Variants in SWAP70 observed in about 807,000 individuals in gnomAD.
SWAP70 encodes the protein switch-associated protein 70.
A neutral mutation model predicts 80.2 loss-of-function variants in SWAP70; 34 were observed. The ratio of observed to expected loss-of-function variants is 0.42; its 90% CI spans 0.32 to 0.56. SWAP70 has a LOEUF of 0.56. SWAP70 is among the 20% of genes least tolerant of loss of function. SWAP70 has a pLI of 0.09. For missense variants in SWAP70, 578 were observed against 690.7 expected, an observed-to-expected ratio of 0.84 and a Z score of 1.83; for synonymous variants, 239 against 238.5, an observed-to-expected ratio of 1.00 and a Z score of -0.02.
At chr11:9,696,541 C>T (rs1014600755) in intron 2 of SWAP70, among the ~76,000 whole-genome samples, 20 of 152,078 alleles carry the variant, frequency 1.3e-4, no homozygotes, top group African/African-American at 4.8e-4. Context: ...CACACACCCT[C>T]AAATCAATAT....
Position 9,688,590 on chromosome 11 carries a change from C to G in SWAP70, c.100-5556C>G, listed in dbSNP as rs141825448. Among the ~76,000 whole-genome samples, 443 of 152,194 alleles carry G rather than the reference C, an allele frequency of 2.9e-3. 2 individuals are homozygous for G. Among genetic ancestry groups the G allele is most frequent in the African/African-American group, 0.01 (417 of 41,520 alleles). Reference sequence around the variant, plus strand: ...TGGCCTGTGGAGTGACTTAAATATACAACTCACATATTTCCTTAGCTTTTA... The same window carrying G: ...TGGCCTGTGGAGTGACTTAAATATAGAACTCACATATTTCCTTAGCTTTTA... On this transcript the variant is annotated intron_variant, in intron 1 of 11. Transcript: ENST00000318950.
intron 1 of SWAP70, among the ~76,000 whole-genome samples, chr11:9,674,089 C>T (rs1331235815): frequency 6.6e-6 from 1 of 151,972 alleles, no homozygotes; most frequent in Non-Finnish European, 1.5e-5. Context: ...TTAGTAGAGA[C>T]CGAGTTTCGC....
At position 9,725,545 on chromosome 11, in the gene SWAP70, ATATATATATATATATATATATATATTT is replaced by A. The variant is rs1221959272; in HGVS notation, c.642+662_642+688del. Among the ~76,000 whole-genome samples the A allele has an allele frequency of 1.5e-3, 14 of 9,614 alleles. 1 individual carries two copies. Among genetic ancestry groups the A allele is most frequent in the Non-Finnish European group, 1.2e-3 (5 of 4,114 alleles). The allele number at this position is 9,614 out of a possible 152,430, so 6.3% of individuals were successfully genotyped here. On this transcript the variant is annotated intron_variant, in intron 4 of 11. Coordinates refer to ENST00000318950, the MANE Select transcript of SWAP70 (RefSeq NM_015055.4). ...AAAAATACAAAATATATATATATAT[ATATATATATATATATATATATATATTT>A]TTTTTTTTTTTTTTTTCCAAGACGG...
intron 7 of SWAP70, among the ~76,000 whole-genome samples, chr11:9,732,999 C>T (rs190191566): frequency 1.1e-4 from 16 of 152,298 alleles, no homozygotes; most frequent in Admixed American, 3.3e-4. Flanking sequence ...TGGGAAATTT[C>T]ATTCCCTTGA....
At chr11:9,749,059 C>A (rs2133821595) in intron 10 of SWAP70, 28 bp from the exon 11 acceptor site, 1 of 1,512,610 alleles carries the variant, frequency 6.6e-7, no homozygotes, top group Non-Finnish European at 9.1e-7. Context: ...CGTGTGTCTG[C>A]ATAGTCCAAA....
intron 1 of SWAP70, among the ~76,000 whole-genome samples, chr11:9,679,768 A>G (rs1478354343): frequency 6.6e-6 from 1 of 152,106 alleles, no homozygotes; most frequent in Non-Finnish European, 1.5e-5. Flanking sequence ...TCCCAAGTTC[A>G]CACCATTCTC....
At chr11:9,727,341 G>A (rs762158126) in intron 4 of SWAP70, among the ~76,000 whole-genome samples, 23 of 152,078 alleles carry the variant, frequency 1.5e-4, no homozygotes, top group Non-Finnish European at 2.2e-4. Flanking sequence ...AGTGAGCCGA[G>A]ATTGCACCCA....
chr11:9,733,118 CTG>C (rs969798474), intron 7 of SWAP70, among the ~76,000 whole-genome samples: 3 of 152,106 alleles, frequency 2.0e-5, no homozygotes, highest in Non-Finnish European at 4.4e-5. Context: ...TACTTTAGAA[CTG>C]TTAGTTTTAC....
rs57590750 is a variant in SWAP70 at position 9,672,195 on chromosome 11, C to CTATATATATATATATA, written c.99+7935_99+7950dup. 1.3e-3 allele frequency among the ~76,000 whole-genome samples: 104 copies of CTATATATATATATATA among 78,364 alleles called. 4 individuals carry two copies. The highest frequency in any genetic ancestry group is 1.9e-3 in the Non-Finnish European group (83 of 43,032). 51.4% of individuals were successfully genotyped at this position (78,364 alleles called of 152,430 possible). A position where few individuals can be genotyped will look rare whatever the true frequency, so the allele number is the denominator to read the frequency against. On this transcript the variant is annotated intron_variant, in intron 1 of 11. Transcript: ENST00000318950. ...TATATATATACATATATGTGTGTGT[C>CTATATATATATATATA]TATATATATATATATATATATATAT...
chr11:9,682,830 C>T (rs1051289389), intron 1 of SWAP70, among the ~76,000 whole-genome samples: 5 of 152,188 alleles, frequency 3.3e-5, no homozygotes, highest in African/African-American at 1.2e-4. Flanking sequence ...GCATGTGCCA[C>T]CACGCCCAGC....
intron 1 of SWAP70, among the ~76,000 whole-genome samples, chr11:9,666,544 A>G (rs917371938): frequency 6.6e-6 from 1 of 152,072 alleles, no homozygotes; most frequent in Non-Finnish European, 1.5e-5. Context: ...ATCACCATAT[A>G]GGTCCCTTTA....
chr11:9,741,091 G>A (rs975305672), intron 9 of SWAP70: 1 of 152,270 alleles, frequency 6.6e-6, no homozygotes, highest in Non-Finnish European at 1.5e-5. Context: ...ACAGGGTCCA[G>A]TCTTTGATCT....
intron 9 of SWAP70, chr11:9,741,077 C>T (rs1451829357): frequency 6.6e-6 from 1 of 152,606 alleles, no homozygotes; most frequent in Non-Finnish European, 1.5e-5. Context: ...ACTACAGTAG[C>T]AGCACAGGGT....
chr11:9,668,115 C>A (rs959891960), intron 1 of SWAP70, among the ~76,000 whole-genome samples: 2 of 152,166 alleles, frequency 1.3e-5, no homozygotes, highest in Non-Finnish European at 2.9e-5. Flanking sequence ...TCTCAAACTC[C>A]TGACCTCAGG....
chr11:9,752,985 GGGGGTAAAGTT>G (rs1851610409), exon 12 of SWAP70: 1 of 152,108 alleles, frequency 6.6e-6, no homozygotes, highest in African/African-American at 2.4e-5. Context: ...TAAAACAGTG[GGGGGTAAAGTT>G]GGGTGTATCT....
chr11:9,671,585 T>A (rs1353661613), intron 1 of SWAP70, among the ~76,000 whole-genome samples: 1 of 40,166 alleles, frequency 2.5e-5, no homozygotes, highest in Non-Finnish European at 4.4e-5. Flanking sequence ...GAAATATATT[T>A]CTATATATAA....
Position 9,733,456 on chromosome 11 carries a change from G to T in SWAP70, c.1080+746G>T, listed in dbSNP as rs181846905. 1.3e-3 allele frequency among the ~76,000 whole-genome samples: 196 copies of T among 152,258 alleles called. 1 individual carries two copies. Among genetic ancestry groups the T allele is most frequent in the Admixed American group, 0.012 (187 of 15,284 alleles). On this transcript the variant is annotated intron_variant, in intron 7 of 11. Coordinates refer to ENST00000318950, the MANE Select transcript of SWAP70 (RefSeq NM_015055.4). The stretch of plus-strand genomic sequence containing the variant: ...ATCTGTGACTCTACATACCTAGTGG[G>T]GTTCTCCCTTGGTAACCCGTAGAAA...
intron 1 of SWAP70, among the ~76,000 whole-genome samples, chr11:9,679,162 T>G (rs959229783): frequency 6.6e-6 from 1 of 152,174 alleles, no homozygotes; most frequent in Non-Finnish European, 1.5e-5. Flanking sequence ...GAAACACTAA[T>G]TTTTTTGATC....
chr11:9,674,036 G>A (rs1219203629), intron 1 of SWAP70, among the ~76,000 whole-genome samples: 1 of 151,996 alleles, frequency 6.6e-6, no homozygotes, highest in African/African-American at 2.4e-5. Flanking sequence ...AGTAGCTGGG[G>A]TTACAGGTGT....
Sources: gnomAD v4.1 joint callset for allele counts (sites outside exome capture counted in the v4.1 genomes callset) on GRCh38, gnomAD v4.1.1 for gene constraint, MANE v1.5 for transcripts, NCBI Gene and HGNC (gene_info 2026-07-23, HGNC 2026-07-21) for gene names.